Variants in ZNF654 observed in about 807,000 individuals in gnomAD.
ZNF654 encodes the protein zinc finger protein 654, also known as melanoma-associated antigen.
Under a neutral mutation model 95.3 loss-of-function variants are expected in ZNF654, and 19 were observed. That is an observed-to-expected ratio of 0.20 (90% CI 0.14 to 0.29). The LOEUF (loss-of-function observed/expected upper bound fraction) is 0.29. Ranked by LOEUF, ZNF654 falls within the 10% of genes least tolerant of loss-of-function variation. The probability of loss-of-function intolerance (pLI) is 1.00; values close to 1 mark genes in which losing one functional copy is unlikely to be tolerated. For synonymous variants in ZNF654, 413 were observed against 457.9 expected, an observed-to-expected ratio of 0.90 and a Z score of 1.25; for missense variants, 1,046 against 1,341.0, an observed-to-expected ratio of 0.78 and a Z score of 3.44.
rs577161373 is a variant in ZNF654, at chr3:88,059,287, A to C, written c.-33A>C. 2 of 1,531,366 alleles carry C rather than the reference A, an allele frequency of 1.3e-6. No homozygotes were observed. Among genetic ancestry groups the C allele is most frequent in the Admixed American group, 4.0e-5 (2 of 50,570 alleles). The allele number at this position is 1,531,366 out of a possible 1,614,324, so 94.9% of individuals were successfully genotyped here. ...GCATCTACGGCGGCGGCGGCGGCGC[A>C]GGGGCTGGTACGCGCTGGGCGGCGA... On this transcript the variant is annotated 5_prime_UTR_variant, in exon 1 of 9. Transcript: ENST00000636215.
At chr3:88,061,885 G>T (rs1255995812) in intron 1 of ZNF654, among the ~76,000 whole-genome samples, 6 of 152,158 alleles carry the variant, frequency 3.9e-5, no homozygotes, top group African/African-American at 1.2e-4. Flanking sequence ...CTAAGTACAT[G>T]AATTATACAG....
At chr3:88,110,587 A>T (rs1417692615) in intron 2 of ZNF654, among the ~76,000 whole-genome samples, 1 of 152,114 alleles carries the variant, frequency 6.6e-6, no homozygotes, top group Non-Finnish European at 1.5e-5. Context: ...TGTGAGCAGT[A>T]GTTTACCAGC....
At chr3:88,135,330 C>CGT in intron 7 of ZNF654, 128 bp downstream of exon 7, 1 of 656,156 alleles carries the variant, frequency 1.5e-6, no homozygotes. Flanking sequence ...CCACATTCTC[C>CGT]ATACATTACA....
chr3:88,130,484 C>T (rs1487461410), intron 6 of ZNF654, among the ~76,000 whole-genome samples: 1 of 152,060 alleles, frequency 6.6e-6, no homozygotes, highest in African/African-American at 2.4e-5. Flanking sequence ...CAGGGTTTCA[C>T]TGTGTCTCTC....
Position 88,105,428 on chromosome 3 carries a change from C to T in ZNF654, c.333-7687C>T, listed in dbSNP as rs149081757. 3.5e-4 allele frequency among the ~76,000 whole-genome samples: 54 copies of T among 152,288 alleles called. No individual in the cohort carries two copies. In the East Asian group the frequency reaches 5.2e-3, roughly 15 times the overall value. Reference sequence around the variant, plus strand: ...GTAGCATAGTCAGTCAATTTGTCCTCTACTGGTATGCATTTGGGTTGTTTC... The same window carrying T: ...GTAGCATAGTCAGTCAATTTGTCCTTTACTGGTATGCATTTGGGTTGTTTC... On this transcript the variant is annotated intron_variant, in intron 2 of 8. Coordinates refer to ENST00000636215, the MANE Select transcript of ZNF654 (RefSeq NM_001350134.2).
chr3:88,083,332 T>A (rs1708178046), intron 1 of ZNF654, among the ~76,000 whole-genome samples: 2 of 152,230 alleles, frequency 1.3e-5, no homozygotes, highest in Admixed American at 1.3e-4. Context: ...TTTTGACTGA[T>A]GAGTCTTTTC....
rs1165968060 is a variant in ZNF654 at position 88,143,761 on chromosome 3, C to T, written c.*2109C>T. ...TTATTTCTGCAAGACTGAGATCAAACTGGTTTATATATAACTAAATCAAGG... is the reference window on the plus strand; with the variant it reads ...TTATTTCTGCAAGACTGAGATCAAATTGGTTTATATATAACTAAATCAAGG... On this transcript the variant is annotated 3_prime_UTR_variant, in exon 9 of 9. Transcript: ENST00000636215. 1 of 152,080 alleles carries T rather than the reference C, an allele frequency of 6.6e-6. No individual in the cohort carries two copies. The highest frequency in any genetic ancestry group is 1.5e-5 in the Non-Finnish European group (1 of 67,774). The allele number at this position is 152,080 out of a possible 1,614,324, so 9.4% of individuals were successfully genotyped here.
chr3:88,076,145 A>T (rs1707790283), intron 1 of ZNF654, among the ~76,000 whole-genome samples: 1 of 152,152 alleles, frequency 6.6e-6, no homozygotes, highest in Non-Finnish European at 1.5e-5. Flanking sequence ...ATCTGTACAG[A>T]TTTTATATTA....
intron 3 of ZNF654, among the ~76,000 whole-genome samples, chr3:88,123,206 GTTCT>G (rs1705886271): frequency 6.6e-6 from 1 of 151,932 alleles, no homozygotes; most frequent in Admixed American, 6.6e-5. Flanking sequence ...TAAGCTTATT[GTTCT>G]TTCTTCCTTT....
chr3:88,087,520 T>C (rs886117516), intron 2 of ZNF654, among the ~76,000 whole-genome samples: 4 of 152,116 alleles, frequency 2.6e-5, no homozygotes, highest in African/African-American at 9.7e-5. Context: ...TGAAAATAAA[T>C]AGAGAAAGAT....
rs780501204 is a variant in ZNF654 at position 88,071,713 on chromosome 3, A to G, written c.186+12208A>G. On this transcript the variant is annotated intron_variant, in intron 1 of 8. Coordinates refer to ENST00000636215, the MANE Select transcript of ZNF654 (RefSeq NM_001350134.2). ...CAGCTATTCAGGAGGATGAGGCAAG[A>G]GAATCACTTGAACCCGGGAGGCAGA... Among the ~76,000 whole-genome samples, 3 of 152,194 alleles carry G rather than the reference A, an allele frequency of 2.0e-5. No individual in the cohort carries two copies. In the East Asian group the frequency reaches 5.8e-4, roughly 29 times the overall value.
At position 88,118,045 on chromosome 3, in the gene ZNF654, C is replaced by A. The variant is rs192082005; in HGVS notation, c.414+4849C>A. On this transcript the variant is annotated intron_variant, in intron 3 of 8. Coordinates refer to ENST00000636215, the MANE Select transcript of ZNF654 (RefSeq NM_001350134.2). ...TTGTTTTAATAATAAGGGAAAAAAGCAACTGTGGGGTAGTAACTGAAATGC... is the reference window on the plus strand; with the variant it reads ...TTGTTTTAATAATAAGGGAAAAAAGAAACTGTGGGGTAGTAACTGAAATGC... Among the ~76,000 whole-genome samples the A allele has an allele frequency of 2.6e-4, 39 of 151,832 alleles. No homozygotes were observed. In the East Asian group the frequency reaches 4.7e-3, roughly 18 times the overall value.
intron 1 of ZNF654, among the ~76,000 whole-genome samples, chr3:88,069,881 T>C (rs1707410872): frequency 6.6e-6 from 1 of 152,222 alleles, no homozygotes; most frequent in African/African-American, 2.4e-5. Context: ...TTATCCTAAA[T>C]GATTAAAGTT....
chr3:88,083,109 A>G (rs1708166266), intron 1 of ZNF654, among the ~76,000 whole-genome samples: 1 of 151,824 alleles, frequency 6.6e-6, no homozygotes, highest in African/African-American at 2.4e-5. Flanking sequence ...TCCTACTGGA[A>G]TAGGACTTCA....
At chr3:88,082,673 T>C (rs1383546918) in intron 1 of ZNF654, among the ~76,000 whole-genome samples, 1 of 152,202 alleles carries the variant, frequency 6.6e-6, no homozygotes, top group Non-Finnish European at 1.5e-5. Flanking sequence ...AGATCATTGT[T>C]TGCTCAGTGA....
At chr3:88,134,676 T>TATA (rs1415728275) in intron 6 of ZNF654, among the ~76,000 whole-genome samples, 1 of 152,130 alleles carries the variant, frequency 6.6e-6, no homozygotes, top group Non-Finnish European at 1.5e-5. Context: ...ACCATTTCTT[T>TATA]ATAGAGAGTC....
In ZNF654 at chr3:88,141,060, GTCT is replaced by G. The variant is rs759169531; in HGVS notation, c.3379+17_3379+19del. On this transcript the variant is annotated intron_variant, in intron 8 of 8. Transcript: ENST00000636215. Reference sequence around the variant, plus strand: ...TTCAGATGATGAAAGTAAGTCTTCTGTCTTCTTAGTAGAGGTATCTGTAGAAAG... The same window carrying G: ...TTCAGATGATGAAAGTAAGTCTTCTGTCTTAGTAGAGGTATCTGTAGAAAG... 5.1e-5 allele frequency: 81 copies of G among 1,576,134 alleles called. No homozygotes were observed. Among genetic ancestry groups the G allele is most frequent in the Non-Finnish European group, 6.9e-5 (80 of 1,164,192 alleles).
intron 1 of ZNF654, among the ~76,000 whole-genome samples, chr3:88,082,836 A>G (rs1043042591): frequency 1.3e-5 from 2 of 152,202 alleles, no homozygotes; most frequent in Non-Finnish European, 2.9e-5. Flanking sequence ...GGCTTAAACA[A>G]CAGAAATTTA....
chr3:88,113,367 A>T (rs1705207373), intron 3 of ZNF654, among the ~76,000 whole-genome samples, 171 bp downstream of exon 3: 1 of 152,140 alleles, frequency 6.6e-6, no homozygotes, highest in Admixed American at 6.6e-5. Context: ...CATACAATTA[A>T]TTTTTAACTG....
Sources: gnomAD v4.1 joint callset for allele counts (sites outside exome capture counted in the v4.1 genomes callset) on GRCh38, gnomAD v4.1.1 for gene constraint, MANE v1.5 for transcripts, NCBI Gene and HGNC (gene_info 2026-07-23, HGNC 2026-07-21) for gene names.